Variants in ITGA2 observed in about 807,000 individuals in gnomAD.
The protein encoded by ITGA2 is integrin alpha-2.
A neutral mutation model predicts 146.3 loss-of-function variants in ITGA2; 101 were observed. The ratio of observed to expected loss-of-function variants is 0.69; its 90% CI spans 0.59 to 0.81. ITGA2 has a LOEUF of 0.81. Ranked by LOEUF, ITGA2 falls within the 40% of genes least tolerant of loss-of-function variation. The pLI, the probability that ITGA2 is intolerant of heterozygous loss-of-function variation, is 0.00. For synonymous variants in ITGA2, 477 were observed against 487.1 expected, an observed-to-expected ratio of 0.98 and a Z score of 0.27; for missense variants, 1,281 against 1,402.7, an observed-to-expected ratio of 0.91 and a Z score of 1.39.
At chr5:53,006,781 G>C (rs915033980) in intron 1 of ITGA2, among the ~76,000 whole-genome samples, 6 of 152,122 alleles carry the variant, frequency 3.9e-5, no homozygotes, top group Non-Finnish European at 8.8e-5. Context: ...CACAGTGCCA[G>C]ATATTTTCAT....
rs917545444 is a variant in ITGA2 at position 53,048,661 on chromosome 5, A to C, written c.521A>C (p.Asp174Ala). ...TGTGTAGCCTGCCCTTCCCTCATAG[A>C]TGTTGTGGTTGTGTGTGATGAATCA... The part of the protein sequence containing the change: ...PATQPCPSLI[D>A]VVVVCDESNS... Residue 174 changes from aspartate (D) to alanine (A), a missense_variant, in exon 6 of 30, where the codon GAT becomes GCT. Transcript: ENST00000296585. 6.2e-7 allele frequency: 1 copy of C among 1,613,786 alleles called. No individual in the cohort carries two copies. The highest frequency in any genetic ancestry group is 8.5e-7 in the Non-Finnish European group (1 of 1,179,952).
intron 28 of ITGA2, chr5:53,088,932 G>A (rs1346354268): frequency 6.6e-6 from 1 of 152,144 alleles, no homozygotes; most frequent in Non-Finnish European, 1.5e-5. Context: ...TATAGTCATG[G>A]GTCCATAGGG....
Position 53,074,449 on chromosome 5 carries a change from G to A in ITGA2, c.2636G>A (p.Gly879Asp). 1.9e-6 allele frequency: 3 copies of A among 1,612,284 alleles called. No individual in the cohort carries two copies. The highest frequency in any genetic ancestry group is 2.5e-6 in the Non-Finnish European group (3 of 1,178,910). The change falls in exon 21 of 30, where the codon GGC (glycine) becomes GAC (aspartate). Residue 879 changes from glycine (G) to aspartate (D), a missense_variant. Physicochemically the swap from Gly to Asp is moderately conservative, Grantham distance 94. This residue lies in a region of ITGA2 where 475 missense variants were observed against 530.5 expected (regional missense o/e 0.90). Transcript: ENST00000296585. ...CAGAAGTCTGTTGCCTGCGATGTAG[G>A]CTACCCTGCTTTAAAGAGAGAACAA... ...ASQKSVACDV[G>D]YPALKREQQV...
rs2287873 is a variant in ITGA2, at chr5:53,071,719, T to C, written c.2236-219T>C. Among the ~76,000 whole-genome samples the C allele has an allele frequency of 0.11, 16,933 of 151,998 alleles. 1,143 individuals carry two copies. Among genetic ancestry groups the C allele is most frequent in the African/African-American group, 0.19 (7,687 of 41,474 alleles). ...CAAATTCTTACTAGACCCAAGTCTC[T>C]TTTGGTTTCTTAGTAGAAGAGAGGC... On this transcript the variant is annotated intron_variant, in intron 17 of 29. Coordinates refer to ENST00000296585, the MANE Select transcript of ITGA2 (RefSeq NM_002203.4).
chr5:52,991,810 T>G (rs1056841550), intron 1 of ITGA2, among the ~76,000 whole-genome samples: 1 of 152,224 alleles, frequency 6.6e-6, no homozygotes, highest in Non-Finnish European at 1.5e-5. Flanking sequence ...CACCTTTCAG[T>G]GCTCATTTCT....
chr5:53,007,326 A>T (rs1235574035), intron 1 of ITGA2, among the ~76,000 whole-genome samples: 1 of 152,166 alleles, frequency 6.6e-6, no homozygotes, highest in South Asian at 2.1e-4. Context: ...ACCAAAATTT[A>T]TAGAGAAGTG....
rs772874764 is a variant in ITGA2, at chr5:53,026,740, C to A, written c.65-8C>A. On this transcript the variant is annotated splice_region_variant and splice_polypyrimidine_tract_variant and intron_variant, in intron 1 of 29. Coordinates refer to ENST00000296585, the MANE Select transcript of ITGA2 (RefSeq NM_002203.4). ...TAAATATGTGCTATTTCATATTTTT[C>A]TTAATAGGCATTTTAAATTGTTGTT... is the stretch of plus-strand genomic sequence containing the variant. The A allele has an allele frequency of 1.2e-6, 2 of 1,605,748 alleles. No homozygotes were observed. The highest frequency in any genetic ancestry group is 2.7e-5 in the African/African-American group (2 of 74,684).
chr5:53,051,688 A>G, intron 7 of ITGA2, 129 bp downstream of exon 7: 1 of 955,866 alleles, frequency 1.0e-6, no homozygotes, highest in Non-Finnish European at 1.6e-6. Context: ...ATCAGAACTA[A>G]TAAAGAAAAA....
At chr5:53,013,374 C>CT (rs35674544) in intron 1 of ITGA2, among the ~76,000 whole-genome samples, 17,961 of 141,242 alleles carry the variant, frequency 0.13, 1,374 homozygotes, top group African/African-American at 0.21. Flanking sequence ...CTATTTCTTT[C>CT]TTTTTTTTTT....
rs753517721 is a variant in ITGA2, at chr5:52,989,484, A to C, written c.16A>C (p.Thr6Pro). Residue 6 changes from threonine to proline, a missense_variant, in exon 1 of 30, where the codon ACA becomes CCA. Transcript: ENST00000296585. ...CAGACCCAGGATGGGGCCAGAACGG[A>C]CAGGGGCCGCGCCGCTGCCGCTGCT... MGPER[T>P]GAAPLPLLLV... is the part of the protein sequence containing the mutation. 5.0e-6 allele frequency: 8 copies of C among 1,614,156 alleles called. No homozygotes were observed. Among genetic ancestry groups the C allele is most frequent in the African/African-American group, 1.3e-5 (1 of 75,066 alleles).
At chr5:53,050,260 A>G (rs1188812061) in intron 6 of ITGA2, among the ~76,000 whole-genome samples, 5 of 152,090 alleles carry the variant, frequency 3.3e-5, no homozygotes, top group Non-Finnish European at 5.9e-5. Flanking sequence ...GTTTAACTCA[A>G]TCTCTTTTCT....
intron 28 of ITGA2, chr5:53,089,084 A>G (rs1740282026): frequency 6.6e-6 from 1 of 152,230 alleles, no homozygotes; most frequent in Non-Finnish European, 1.5e-5. Flanking sequence ...GAAGATACAA[A>G]TGAAAGGAAA....
At position 53,049,491 on chromosome 5, in the gene ITGA2, G is replaced by A. The variant is rs1002142142; in HGVS notation, c.630+721G>A. On this transcript the variant is annotated intron_variant, in intron 6 of 29. Transcript: ENST00000296585. ...GAAATTTGTATAAATAAGTCACTAA[G>A]CATAGTTCCAGCATTTATGATAATA... Among the ~76,000 whole-genome samples the A allele has an allele frequency of 1.4e-4, 22 of 152,080 alleles. 1 individual carries two copies. Among genetic ancestry groups the A allele is most frequent in the African/African-American group, 4.8e-4 (20 of 41,414 alleles).
chr5:53,030,274 C>T (rs893913545), intron 2 of ITGA2, among the ~76,000 whole-genome samples: 1 of 152,176 alleles, frequency 6.6e-6, no homozygotes, highest in Non-Finnish European at 1.5e-5. Context: ...GCTGGTAAGA[C>T]CAGGGACACT....
In ITGA2 at chr5:52,995,100, G is replaced by A. The variant is rs549558752; in HGVS notation, c.64+5568G>A. 5.9e-5 allele frequency among the ~76,000 whole-genome samples: 9 copies of A among 152,292 alleles called. 1 individual carries two copies. The South Asian group carries it at 1.4e-3, about 25-fold the overall frequency. On this transcript the variant is annotated intron_variant, in intron 1 of 29. Coordinates refer to ENST00000296585, the MANE Select transcript of ITGA2 (RefSeq NM_002203.4). ...TTAGGTTCTTGAATAGAATACTGAC[G>A]CAATGAAAACAGAAGGTCCTTATGC...
At chr5:53,058,429 A>G (rs1234426194) in intron 10 of ITGA2, among the ~76,000 whole-genome samples, 1 of 151,906 alleles carries the variant, frequency 6.6e-6, no homozygotes, top group African/African-American at 2.4e-5. Context: ...AACTACTGGA[A>G]ATGTTTGTTA....
intron 25 of ITGA2, 34 bp from the exon 26 acceptor site, chr5:53,081,558 T>A: frequency 6.7e-7 from 1 of 1,491,908 alleles, no homozygotes; most frequent in Non-Finnish European, 9.3e-7. Flanking sequence ...ACTGTTTTGC[T>A]TCTGAAGTCT....
chr5:53,015,430 C>G (rs1344452617), intron 1 of ITGA2, among the ~76,000 whole-genome samples: 1 of 150,716 alleles, frequency 6.6e-6, no homozygotes, highest in Non-Finnish European at 1.5e-5. Context: ...GTATTGATTT[C>G]TATTTTTATT....
chr5:53,044,150 C>CT (rs1467143493), intron 3 of ITGA2, among the ~76,000 whole-genome samples: 1 of 151,394 alleles, frequency 6.6e-6, no homozygotes, highest in African/African-American at 2.4e-5. Context: ...TGGTGTGCAC[C>CT]TGTATTCCCA....
Sources: allele counts gnomAD v4.1 joint callset (sites outside exome capture counted in the v4.1 genomes callset), GRCh38; gene constraint gnomAD v4.1.1; regional missense constraint gnomAD v4.1.1; transcripts MANE v1.5; gene names NCBI Gene and HGNC (gene_info 2026-07-23, HGNC 2026-07-21).